TCF12: variants seen among roughly 807,000 people sequenced by gnomAD.
TCF12 encodes the protein transcription factor 12.
Under a neutral mutation model 86.0 loss-of-function variants are expected in TCF12, and 45 were observed. The ratio of observed to expected loss-of-function variants is 0.52; its 90% CI spans 0.41 to 0.67. The LOEUF is 0.67. Ranked by LOEUF, TCF12 falls within the 30% of genes least tolerant of loss-of-function variation. The probability of loss-of-function intolerance (pLI) is 0.00; values close to 1 mark genes in which losing one functional copy is unlikely to be tolerated. For missense variants in TCF12, 881 were observed against 859.9 expected (o/e 1.02, Z -0.31); for synonymous variants, 330 against 299.6 (o/e 1.10, Z -1.05).
intron 8 of TCF12, among the ~76,000 whole-genome samples, chr15:57,205,334 C>T (rs1453205801): frequency 3.3e-5 from 5 of 152,078 alleles, no homozygotes; most frequent in Non-Finnish European, 7.4e-5. Context: ...AAACAATTAT[C>T]CAAGGCCCTT....
intron 18 of TCF12, among the ~76,000 whole-genome samples, chr15:57,270,114 G>A (rs1202928747): frequency 2.0e-5 from 3 of 152,142 alleles, no homozygotes. Flanking sequence ...GCCTTGCTAG[G>A]TTGGGGAAGT....
intron 3 of TCF12, among the ~76,000 whole-genome samples, chr15:57,054,755 T>G (rs554127507): frequency 4.4e-4 from 66 of 150,630 alleles, no homozygotes; most frequent in African/African-American, 1.5e-3. Context: ...ATTAGCTGGC[T>G]TTTTTGCAAT....
intron 5 of TCF12, among the ~76,000 whole-genome samples, chr15:57,126,240 C>CA (rs1439462061): frequency 4.0e-5 from 6 of 151,540 alleles, no homozygotes; most frequent in African/African-American, 7.3e-5. Flanking sequence ...GACCCCATCT[C>CA]AAAAAAAACA....
chr15:57,209,362 A>G (rs539820620), intron 8 of TCF12, among the ~76,000 whole-genome samples: 1 of 152,238 alleles, frequency 6.6e-6, no homozygotes, highest in Non-Finnish European at 1.5e-5. Flanking sequence ...TAATTCAGCC[A>G]TCAGCATTAA....
intron 3 of TCF12, among the ~76,000 whole-genome samples, chr15:56,984,270 G>GTGTGTA (rs2063060549): frequency 6.6e-6 from 1 of 150,422 alleles, no homozygotes; most frequent in Admixed American, 6.6e-5. Context: ...GTGTGTGTGT[G>GTGTGTA]TGTGTGTGTG....
intron 5 of TCF12, among the ~76,000 whole-genome samples, chr15:57,135,397 G>A (rs1465625450): frequency 6.6e-6 from 1 of 152,098 alleles, no homozygotes; most frequent in African/African-American, 2.4e-5. Flanking sequence ...GACTATTTTT[G>A]TATATTTAGC....
chr15:57,215,677 T>C (rs2058303883), intron 8 of TCF12, among the ~76,000 whole-genome samples: 1 of 152,184 alleles, frequency 6.6e-6, no homozygotes, highest in African/African-American at 2.4e-5. Flanking sequence ...AACTGGCCTA[T>C]GTTAACTAAT....
chr15:57,192,195 C>G lies in TCF12; in HGVS notation c.428C>G (p.Pro143Arg). Residue 143 changes from proline to arginine, a missense_variant, in exon 7 of 21, where the codon CCA (proline) becomes CGA (arginine). This residue lies in a region of TCF12 where 766 missense variants were observed against 718.9 expected (regional missense o/e 1.07). Coordinates refer to ENST00000333725, the MANE Select transcript of TCF12 (RefSeq NM_207037.2). ...LLRQDLGLGSPAQLSSSGKPG... is the reference protein window; with the variant it reads ...LLRQDLGLGSRAQLSSSGKPG... ...AGACAAGATCTGGGGCTTGGGAGCC[C>G]AGCACAGCTATCTTCTTCAGGAAAA... The G allele has an allele frequency of 6.2e-7, 1 of 1,613,990 alleles. No homozygotes were observed. Among genetic ancestry groups the G allele is most frequent in the Non-Finnish European group, 8.5e-7 (1 of 1,179,962 alleles).
chr15:57,029,305 C>T (rs1346484163), intron 3 of TCF12, among the ~76,000 whole-genome samples: 1 of 151,910 alleles, frequency 6.6e-6, no homozygotes, highest in East Asian at 1.9e-4. Context: ...TTTCTGTACT[C>T]TCTATTCTTG....
intron 8 of TCF12, among the ~76,000 whole-genome samples, chr15:57,226,888 T>C (rs2058908064): frequency 6.6e-6 from 1 of 150,920 alleles, no homozygotes. Flanking sequence ...ACTATCCACA[T>C]TTCAAGTGTT....
chr15:56,973,581 A>G (rs1422967211), intron 3 of TCF12, among the ~76,000 whole-genome samples: 1 of 152,150 alleles, frequency 6.6e-6, no homozygotes, highest in Non-Finnish European at 1.5e-5. Flanking sequence ...GATTTAGAAA[A>G]TCACCATTTG....
chr15:56,940,702 C>T (rs1399848334), intron 3 of TCF12, among the ~76,000 whole-genome samples: 1 of 129,804 alleles, frequency 7.7e-6, no homozygotes, highest in African/African-American at 3.1e-5. Context: ...CTCCCCTTTC[C>T]CCTCCTCCCC....
intron 5 of TCF12, among the ~76,000 whole-genome samples, chr15:57,104,150 T>C (rs1310656364): frequency 6.6e-6 from 1 of 152,162 alleles, no homozygotes; most frequent in Non-Finnish European, 1.5e-5. Context: ...AAGTTAACAT[T>C]GGTCTGATTG....
chr15:56,988,435 G>T (rs1476518456), intron 3 of TCF12, among the ~76,000 whole-genome samples: 10 of 152,128 alleles, frequency 6.6e-5, no homozygotes, highest in African/African-American at 2.4e-4. Context: ...AAATGTTGTT[G>T]TAATCTTATG....
intron 3 of TCF12, among the ~76,000 whole-genome samples, chr15:57,024,940 G>A (rs1387859646): frequency 5.3e-5 from 8 of 152,186 alleles, no homozygotes; most frequent in Non-Finnish European, 4.4e-5. Context: ...ATGTTTAAAG[G>A]TAGTCAAGGT....
At chr15:57,216,712 A>T (rs2058346283) in intron 8 of TCF12, among the ~76,000 whole-genome samples, 1 of 152,114 alleles carries the variant, frequency 6.6e-6, no homozygotes, top group Non-Finnish European at 1.5e-5. Context: ...ATTAATTTTT[A>T]AAAAATTGGG....
chr15:57,063,673 G>A (rs2068629020), intron 3 of TCF12, 77 bp from the exon 4 acceptor site: 2 of 1,201,216 alleles, frequency 1.7e-6, no homozygotes, highest in Middle Eastern at 2.0e-4. Flanking sequence ...TTGCTAAATT[G>A]TACTCTGCTG....
intron 3 of TCF12, among the ~76,000 whole-genome samples, chr15:56,975,552 G>A (rs1359621694): frequency 6.6e-6 from 1 of 152,016 alleles, no homozygotes; most frequent in Admixed American, 6.6e-5. Flanking sequence ...ACCTAATAAA[G>A]CCTGCCTAGC....
At chr15:57,072,643 T>G in intron 4 of TCF12, 1 of 1,297,208 alleles carries the variant, frequency 7.7e-7, no homozygotes, top group Non-Finnish European at 1.0e-6. Context: ...TTTATGCCTC[T>G]TGATCTCAGG....
Sources: gnomAD v4.1 joint callset for allele counts (sites outside exome capture counted in the v4.1 genomes callset) on GRCh38, gnomAD v4.1.1 for gene constraint, gnomAD v4.1.1 regional missense constraint, MANE v1.5 for transcripts, NCBI Gene and HGNC (gene_info 2026-07-23, HGNC 2026-07-21) for gene names.